TRIQK: variants seen among roughly 807,000 people sequenced by gnomAD.
TRIQK encodes triple QxxK/R motif-containing protein.
In TRIQK, 10 loss-of-function variants were observed where a neutral mutation model predicts 10.8. The ratio of observed to expected loss-of-function variants is 0.92; its 90% CI spans 0.57 to 1.57. The LOEUF is 1.57. TRIQK is among the 40% of genes most tolerant of loss of function. The pLI, the probability that TRIQK is intolerant of heterozygous loss-of-function variation, is 0.00. For missense variants in TRIQK, 107 were observed against 97.7 expected, an observed-to-expected ratio of 1.09 and a Z score of -0.40; for synonymous variants, 33 against 33.7, an observed-to-expected ratio of 0.98 and a Z score of 0.07.
At chr8:93,002,147 G>C (rs1263475097) in intron 1 of TRIQK, among the ~76,000 whole-genome samples, 1 of 151,850 alleles carries the variant, frequency 6.6e-6, no homozygotes, top group Middle Eastern at 3.2e-3. Flanking sequence ...AAAGTTTCCA[G>C]CAATAAATAC....
intron 3 of TRIQK, among the ~76,000 whole-genome samples, chr8:92,916,224 T>C (rs1246508825): frequency 6.6e-6 from 1 of 152,160 alleles, no homozygotes; most frequent in East Asian, 1.9e-4. Flanking sequence ...AGTATGTAGG[T>C]AGGTAATTTT....
chr8:92,941,650 T>C (rs1470541584), intron 2 of TRIQK, among the ~76,000 whole-genome samples: 1 of 152,090 alleles, frequency 6.6e-6, no homozygotes, highest in Non-Finnish European at 1.5e-5. Flanking sequence ...GAAGAGTTAG[T>C]TGTTTTTTGC....
intron 1 of TRIQK, among the ~76,000 whole-genome samples, chr8:93,011,437 T>C (rs1399052385): frequency 2.0e-5 from 3 of 152,112 alleles, no homozygotes; most frequent in African/African-American, 7.2e-5. Flanking sequence ...GTAGGCAAGA[T>C]ACAGATGGAA....
At chr8:92,938,258 A>C (rs1328901690) in intron 2 of TRIQK, among the ~76,000 whole-genome samples, 2 of 151,942 alleles carry the variant, frequency 1.3e-5, no homozygotes, top group Non-Finnish European at 2.9e-5. Context: ...TATATTTTAA[A>C]ATTTTTAATT....
intron 2 of TRIQK, among the ~76,000 whole-genome samples, chr8:92,926,075 T>A (rs1479616421): frequency 4.1e-5 from 6 of 145,760 alleles, no homozygotes; most frequent in African/African-American, 1.0e-4. Context: ...CAAGACTACA[T>A]CCCCAAAAAA....
Position 92,915,807 on chromosome 8 carries a change from T to C in TRIQK, c.61+1122A>G, listed in dbSNP as rs1001245910. 2.0e-5 allele frequency among the ~76,000 whole-genome samples: 3 copies of C among 152,204 alleles called. No homozygotes were observed. The South Asian group carries it at 6.2e-4, about 32-fold the overall frequency. On this transcript the variant is annotated intron_variant, in intron 3 of 4. Coordinates refer to ENST00000521988, the MANE Select transcript of TRIQK (RefSeq NM_001171797.2). Reference sequence around the variant, plus strand: ...AAGTCACCGCGCCCGGCCTGTACTATACAAATTCTTAATTGGCTATATGTA... The same window carrying C: ...AAGTCACCGCGCCCGGCCTGTACTACACAAATTCTTAATTGGCTATATGTA...
At chr8:92,979,199 C>T (rs755523648) in intron 1 of TRIQK, among the ~76,000 whole-genome samples, 1 of 152,074 alleles carries the variant, frequency 6.6e-6, no homozygotes, top group East Asian at 1.9e-4. Context: ...GAAAGCTTAG[C>T]TGTGTTTAGG....
intron 2 of TRIQK, among the ~76,000 whole-genome samples, chr8:92,931,560 TG>T (rs1461380301): frequency 6.6e-6 from 1 of 152,148 alleles, no homozygotes; most frequent in Admixed American, 6.5e-5. Flanking sequence ...CTAATTAAAA[TG>T]GATCATAACA....
chr8:92,930,390 CAAAAAAAAAAAAAA>C (rs66513185), intron 2 of TRIQK, among the ~76,000 whole-genome samples: 2 of 47,142 alleles, frequency 4.2e-5, no homozygotes, highest in Admixed American at 6.4e-4. Context: ...ACTAGGTCTC[CAAAAAAAAAAAAAA>C]AAAAAAAAAA....
At chr8:92,946,959 G>A (rs1346549567) in intron 2 of TRIQK, among the ~76,000 whole-genome samples, 4 of 151,248 alleles carry the variant, frequency 2.6e-5, no homozygotes, top group Non-Finnish European at 4.4e-5. Flanking sequence ...TAGAGATGGG[G>A]TTTCACCGTG....
At chr8:92,951,925 C>T (rs1469604384) in intron 2 of TRIQK, among the ~76,000 whole-genome samples, 1 of 152,032 alleles carries the variant, frequency 6.6e-6, no homozygotes, top group Non-Finnish European at 1.5e-5. Context: ...AGCCAATGCT[C>T]ACTAAATGAC....
upstream of TRIQK, among the ~76,000 whole-genome samples, chr8:92,970,306 C>T (rs1812861725): frequency 6.6e-6 from 1 of 152,170 alleles, no homozygotes; most frequent in Non-Finnish European, 1.5e-5. Context: ...TGGGTATATA[C>T]CAAGCAATGG....
chr8:92,931,351 T>C (rs1017485532), intron 2 of TRIQK, among the ~76,000 whole-genome samples: 44 of 152,156 alleles, frequency 2.9e-4, no homozygotes, highest in African/African-American at 9.9e-4. Context: ...ATAAAACTAC[T>C]ATTAATAAGT....
chr8:92,989,009 A>T (rs1378914692), intron 1 of TRIQK, among the ~76,000 whole-genome samples: 1 of 152,198 alleles, frequency 6.6e-6, no homozygotes, highest in South Asian at 2.1e-4. Flanking sequence ...AAAGATAAGA[A>T]AATTAGTGGG....
chr8:92,981,844 T>G (rs1812989828), intron 1 of TRIQK, among the ~76,000 whole-genome samples: 1 of 151,864 alleles, frequency 6.6e-6, no homozygotes, highest in Non-Finnish European at 1.5e-5. Flanking sequence ...AAGAGATATC[T>G]TTCTCATTTT....
chr8:92,908,095 A>C (rs1320162959), intron 3 of TRIQK, among the ~76,000 whole-genome samples: 1 of 152,096 alleles, frequency 6.6e-6, no homozygotes, highest in Non-Finnish European at 1.5e-5. Flanking sequence ...AAAATAGATT[A>C]CTTTACTGCT....
intron 1 of TRIQK, among the ~76,000 whole-genome samples, chr8:93,015,637 T>C (rs1813378264): frequency 6.6e-6 from 1 of 152,114 alleles, no homozygotes; most frequent in Non-Finnish European, 1.5e-5. Context: ...ATTGGCATGC[T>C]CTCATTCTGT....
At chr8:92,915,040 T>A (rs1005195789) in intron 3 of TRIQK, among the ~76,000 whole-genome samples, 1 of 151,006 alleles carries the variant, frequency 6.6e-6, no homozygotes, top group Admixed American at 6.6e-5. Context: ...AAAAAGGAGG[T>A]CCTGCCATTT....
At chr8:92,931,479 G>A (rs1267221966) in intron 2 of TRIQK, among the ~76,000 whole-genome samples, 1 of 152,100 alleles carries the variant, frequency 6.6e-6, no homozygotes, top group Non-Finnish European at 1.5e-5. Context: ...CTCAAACAAT[G>A]CACATTATCA....
Sources: gnomAD v4.1 joint callset for allele counts (sites outside exome capture counted in the v4.1 genomes callset) on GRCh38, gnomAD v4.1.1 for gene constraint, MANE v1.5 for transcripts, NCBI Gene and HGNC (gene_info 2026-07-23, HGNC 2026-07-21) for gene names.